NLGN4X: variants seen among roughly 807,000 people sequenced by gnomAD.
The protein encoded by NLGN4X is neuroligin-4, X-linked.
In NLGN4X, 3 loss-of-function variants were observed where a neutral mutation model predicts 40.3. That is an observed-to-expected ratio of 0.07 (90% CI 0.03 to 0.19). The LOEUF (loss-of-function observed/expected upper bound fraction) is 0.19. Among genes scored for constraint, NLGN4X ranks in the 10% least tolerant of loss-of-function variants. The pLI is 1.00. For missense variants in NLGN4X, 382 were observed against 708.3 expected (o/e 0.54, Z 5.23); for synonymous variants, 270 against 306.8 (o/e 0.88, Z 1.25).
intron 3 of NLGN4X, among the ~76,000 whole-genome samples, chrX:5,985,705 A>T (rs2035513261): frequency 8.9e-6 from 1 of 112,118 alleles, no homozygotes; most frequent in Non-Finnish European, 1.9e-5. Flanking sequence ...ATATCAGTGG[A>T]TCTGCGGTTG....
At chrX:5,996,660 G>A (rs994881281) in intron 3 of NLGN4X, among the ~76,000 whole-genome samples, 13 of 106,682 alleles carry the variant, frequency 1.2e-4, no homozygotes, top group African/African-American at 4.1e-4. Context: ...GTACAGTGGC[G>A]TGATCTTGGC....
At chrX:6,145,434 C>G (rs907541863) in intron 2 of NLGN4X, among the ~76,000 whole-genome samples, 1 of 112,287 alleles carries the variant, frequency 8.9e-6, no homozygotes, top group African/African-American at 3.2e-5. Context: ...CCCTGCCATT[C>G]TGCCAATCTG....
At chrX:6,042,680 A>T (rs1345181496) in intron 2 of NLGN4X, among the ~76,000 whole-genome samples, 6 of 45,999 alleles carry the variant, frequency 1.3e-4, no homozygotes, top group African/African-American at 4.4e-4. Flanking sequence ...ATACCCATAG[A>T]GGTTTTATAT....
intron 1 of NLGN4X, among the ~76,000 whole-genome samples, chrX:6,159,536 C>A (rs1436334178): frequency 8.9e-6 from 1 of 111,983 alleles, no homozygotes; most frequent in Non-Finnish European, 1.9e-5. Flanking sequence ...AAACTGTTTT[C>A]TCCATGATTA....
intron 1 of NLGN4X, among the ~76,000 whole-genome samples, chrX:6,212,366 A>G (rs1380411316): frequency 2.7e-5 from 3 of 111,228 alleles, no homozygotes; most frequent in African/African-American, 9.8e-5. Flanking sequence ...TTAAGTAATA[A>G]CCGCCTGTAT....
At chrX:6,029,675 T>G (rs2036803919) in intron 2 of NLGN4X, among the ~76,000 whole-genome samples, 1 of 89,337 alleles carries the variant, frequency 1.1e-5, no homozygotes, top group African/African-American at 3.4e-5. Context: ...TCTGCTCATC[T>G]AAGCTTCTAT....
intron 2 of NLGN4X, among the ~76,000 whole-genome samples, chrX:6,100,880 T>C (rs189707905): frequency 2.3e-4 from 25 of 111,085 alleles, no homozygotes; most frequent in Admixed American, 1.2e-3. Flanking sequence ...ACCATGAATA[T>C]AGATCTCTGA....
intron 1 of NLGN4X, among the ~76,000 whole-genome samples, chrX:6,216,360 T>A (rs1292953407): frequency 8.9e-6 from 1 of 112,110 alleles, no homozygotes; most frequent in Admixed American, 9.4e-5. Context: ...CATAATTTGC[T>A]ATTAGCATCT....
intron 2 of NLGN4X, among the ~76,000 whole-genome samples, chrX:6,037,334 A>T (rs1282092248): frequency 2.7e-5 from 3 of 110,789 alleles, no homozygotes; most frequent in African/African-American, 9.8e-5. Context: ...AAATAAAAAA[A>T]TTAAAAAAAA....
chrX:6,106,247 T>C (rs1238434269), intron 2 of NLGN4X, among the ~76,000 whole-genome samples: 1 of 111,721 alleles, frequency 9.0e-6, no homozygotes, highest in Non-Finnish European at 1.9e-5. Context: ...ACTTTCAAAT[T>C]GTAGATAAGG....
At chrX:6,175,998 T>G (rs2040726360) in intron 1 of NLGN4X, among the ~76,000 whole-genome samples, 1 of 111,482 alleles carries the variant, frequency 9.0e-6, no homozygotes, top group Admixed American at 9.6e-5. Flanking sequence ...ATTAAAATTT[T>G]AGGGAGTAAA....
At chrX:6,034,784 C>T (rs144009577) in intron 2 of NLGN4X, among the ~76,000 whole-genome samples, 6,195 of 109,407 alleles carry the variant, frequency 0.057, 376 homozygotes, top group African/African-American at 0.18. Context: ...TCTCGGCTCA[C>T]GACAACCTCC....
chrX:6,186,191 G>A (rs1345197182), intron 1 of NLGN4X, among the ~76,000 whole-genome samples: 2 of 112,539 alleles, frequency 1.8e-5, no homozygotes, highest in Admixed American at 1.9e-4. Flanking sequence ...AGGATCACAT[G>A]ATAAATATTT....
intron 3 of NLGN4X, among the ~76,000 whole-genome samples, chrX:5,962,320 G>A (rs990991489): frequency 9.0e-6 from 1 of 111,674 alleles, no homozygotes; most frequent in Non-Finnish European, 1.9e-5. Flanking sequence ...TATAAGGCAG[G>A]TAGAGCTAAG....
intron 2 of NLGN4X, among the ~76,000 whole-genome samples, chrX:6,047,070 C>T (rs1410466331): frequency 1.8e-5 from 2 of 109,419 alleles, no homozygotes; most frequent in East Asian, 5.7e-4. Flanking sequence ...CACATATATA[C>T]ATATACATTT....
intron 1 of NLGN4X, among the ~76,000 whole-genome samples, chrX:6,155,727 A>G (rs1021032522): frequency 8.9e-5 from 10 of 112,467 alleles, no homozygotes; most frequent in Non-Finnish European, 1.5e-4. Flanking sequence ...CCTTTTGTCA[A>G]ATCTTAAGAG....
chrX:6,089,943 G>A (rs1272463899), intron 2 of NLGN4X, among the ~76,000 whole-genome samples: 1 of 111,228 alleles, frequency 9.0e-6, no homozygotes, highest in African/African-American at 3.3e-5. Flanking sequence ...TCCCTCCTCT[G>A]CAAAATGAGA....
intron 2 of NLGN4X, among the ~76,000 whole-genome samples, chrX:6,137,347 T>C (rs2039842237): frequency 1.8e-5 from 2 of 111,962 alleles, no homozygotes; most frequent in Non-Finnish European, 3.8e-5. Context: ...TATGAACTCA[T>C]CTTACCTTGA....
At chrX:5,940,612 C>A (rs12832403) in intron 3 of NLGN4X, among the ~76,000 whole-genome samples, 161 of 91,923 alleles carry the variant, frequency 1.8e-3, no homozygotes, top group African/African-American at 4.5e-3. Context: ...AAAAAAAAAA[C>A]TTTTTTTTTT....
Sources: gnomAD v4.1 joint callset for allele counts (sites outside exome capture counted in the v4.1 genomes callset) on GRCh38, gnomAD v4.1.1 for gene constraint, MANE v1.5 for transcripts, NCBI Gene and HGNC (gene_info 2026-07-23, HGNC 2026-07-21) for gene names.